The following TMEM94 variants were observed in gnomAD, a reference collection of about 807,000 sequenced individuals.
The protein encoded by TMEM94 is ER Mg2+ ATPase.
A neutral mutation model predicts 158.6 loss-of-function variants in TMEM94; 81 were observed. The ratio of observed to expected loss-of-function variants is 0.51; its 90% confidence interval spans 0.43 to 0.61. The LOEUF is 0.61. TMEM94 is among the 20% of genes least tolerant of loss of function. The pLI is 0.00. For missense variants in TMEM94, 1,435 were observed against 1,762.0 expected (o/e 0.81, Z 3.32); for synonymous variants, 751 against 730.7 (o/e 1.03, Z -0.45).
Position 75,485,517 on chromosome 17 carries a change from C to T in TMEM94, c.114C>T (p.Leu38=). The T allele has an allele frequency of 6.2e-7, 1 of 1,614,176 alleles. No homozygotes were observed. The highest frequency in any genetic ancestry group is 1.1e-5 in the South Asian group (1 of 91,078). Residue 38 remains leucine (L), a synonymous_variant, in exon 3 of 32, where the codon CTC becomes CTT. Transcript: ENST00000314256. The surrounding 1 kb of genome is among the most constrained non-coding windows in gnomAD (Gnocchi z 5.5). ...EQLEAVLEGH[L]RERKKCLTWK... is the part of the protein sequence containing the mutation. The stretch of plus-strand genomic sequence containing the variant: ...TGGAGGCAGTGCTGGAAGGACATCT[C>T]AGGGAGCGGAAGAAGTGTCTGACGT...
intron 2 of TMEM94, among the ~76,000 whole-genome samples, chr17:75,484,775 G>A (rs1427544681): frequency 6.6e-6 from 1 of 152,006 alleles, no homozygotes; most frequent in Non-Finnish European, 1.5e-5. Flanking sequence ...AGTGGCTCAC[G>A]CCAGTCATCC....
At chr17:75,480,582 G>A (rs1037041650) in intron 2 of TMEM94, among the ~76,000 whole-genome samples, 4 of 152,226 alleles carry the variant, frequency 2.6e-5, no homozygotes, top group Non-Finnish European at 2.9e-5. Context: ...TGTCAGGACA[G>A]CTGCCATGTG....
chr17:75,467,756 TCTC>T (rs1363014842), intron 1 of TMEM94, among the ~76,000 whole-genome samples: 1 of 151,538 alleles, frequency 6.6e-6, no homozygotes, highest in African/African-American at 2.4e-5. Flanking sequence ...ATGGTCTCGA[TCTC>T]CTGACCTCGT....
intron 2 of TMEM94, among the ~76,000 whole-genome samples, chr17:75,482,073 T>G (rs2051202400): frequency 6.6e-6 from 1 of 151,970 alleles, no homozygotes; most frequent in Non-Finnish European, 1.5e-5. Context: ...CCAGGCACAG[T>G]GGCTCAGGCC....
chr17:75,468,200 G>A (rs962112649), intron 1 of TMEM94, among the ~76,000 whole-genome samples: 2 of 152,154 alleles, frequency 1.3e-5, no homozygotes, highest in African/African-American at 4.8e-5. Flanking sequence ...TAAAGACCCT[G>A]CTACGGGTTT....
At chr17:75,472,073 G>T in intron 2 of TMEM94, 144 bp downstream of exon 2, 1 of 738,500 alleles carries the variant, frequency 1.4e-6, no homozygotes. Context: ...CTTGGGGGAT[G>T]CGACTGTGAC....
chr17:75,497,308 C>T lies in TMEM94; in HGVS notation c.3407+110C>T, dbSNP rs975258168. On this transcript the variant is annotated intron_variant, in intron 26 of 31. Coordinates refer to ENST00000314256, the MANE Select transcript of TMEM94 (RefSeq NM_014738.6). ...TCTGGAACTGCTCAGGTCTCACCTC[C>T]TCTGGTACAGGAGGCATGGAGGGAA... 10 of 798,810 alleles carry T rather than the reference C, an allele frequency of 1.3e-5. No homozygotes were observed. The Admixed American group carries it at 1.8e-4, about 14-fold the overall frequency. 49.5% of individuals were successfully genotyped at this position (798,810 alleles called of 1,614,324 possible). A position where few individuals can be genotyped will look rare whatever the true frequency, so the allele number is the denominator to read the frequency against.
At position 75,486,324 on chromosome 17, in the gene TMEM94, T is replaced by C. The variant is rs1187421274; in HGVS notation, c.307T>C (p.Phe103Leu). The C allele has an allele frequency of 3.1e-6, 5 of 1,614,164 alleles. No individual in the cohort carries two copies. In the South Asian group the frequency reaches 5.5e-5, roughly 18 times the overall value. ...GGGGCTGGTGAATGCCTCGGCCTTGTTCCTGTTACTGCTTCTCAACCTTGT... is the reference window on the plus strand; with the variant it reads ...GGGGCTGGTGAATGCCTCGGCCTTGCTCCTGTTACTGCTTCTCAACCTTGT... ...GVGLVNASAL[F>L]LLLLLNLVLI... is the part of the protein sequence containing the mutation. Residue 103 changes from phenylalanine to leucine, a missense_variant, in exon 5 of 32, where the codon TTC (phenylalanine) becomes CTC (leucine). This residue lies in a region of TMEM94 where 1,051 missense variants were observed against 1,254.4 expected (regional missense o/e 0.84). Coordinates refer to ENST00000314256, the MANE Select transcript of TMEM94 (RefSeq NM_014738.6).
Position 75,496,490 on chromosome 17 carries a change from AAAG to A in TMEM94, c.3243+20_3243+22del, listed in dbSNP as rs766210297. 7 of 1,607,708 alleles carry A rather than the reference AAAG, an allele frequency of 4.4e-6. No individual in the cohort carries two copies. The African/African-American group carries it at 9.4e-5, about 21-fold the overall frequency. The stretch of plus-strand genomic sequence containing the variant: ...CGAACAGGTGGGTGCTTCGGCAGGC[AAAG>A]GAGGAGAGACGCAGGACAGGACCCG... On this transcript the variant is annotated intron_variant, in intron 24 of 31. Coordinates refer to ENST00000314256, the MANE Select transcript of TMEM94 (RefSeq NM_014738.6).
At position 75,497,862 on chromosome 17, in the gene TMEM94, G is replaced by T; in HGVS notation, c.3489G>T (p.Lys1163Asn). 1 of 1,613,360 alleles carries T rather than the reference G, an allele frequency of 6.2e-7. No homozygotes were observed. Among genetic ancestry groups the T allele is most frequent in the South Asian group, 1.1e-5 (1 of 91,062 alleles). Residue 1163 changes from lysine to asparagine, a missense_variant and splice_region_variant, in exon 27 of 32, where the codon AAG (lysine) becomes AAT (asparagine). Lys to Asn is a moderately conservative substitution (Grantham distance 94, BLOSUM62 0). Transcript: ENST00000314256. ...TGKNLQSIPK[K>N]TQHYFLLCFL... ...AAAACCTCCAGTCCATTCCCAAGAAGGTAAGCAAAACAGACCCTGTGAGCC... is the reference window on the plus strand; with the variant it reads ...AAAACCTCCAGTCCATTCCCAAGAATGTAAGCAAAACAGACCCTGTGAGCC...
intron 1 of TMEM94, among the ~76,000 whole-genome samples, chr17:75,469,829 T>C (rs543110809): frequency 3.3e-5 from 5 of 151,698 alleles, no homozygotes; most frequent in Non-Finnish European, 7.4e-5. Flanking sequence ...AATAAATCCT[T>C]TGGGAGGCCG....
intron 2 of TMEM94, among the ~76,000 whole-genome samples, chr17:75,477,033 C>T (rs1186046115): frequency 1.3e-5 from 2 of 152,150 alleles, no homozygotes; most frequent in Admixed American, 1.3e-4. Context: ...CCTGGGTTTC[C>T]ATGCACAGGT....
intron 2 of TMEM94, among the ~76,000 whole-genome samples, chr17:75,475,981 G>A (rs903707238): frequency 2.0e-5 from 3 of 152,090 alleles, no homozygotes; most frequent in Non-Finnish European, 2.9e-5. Flanking sequence ...AGTCCATCCC[G>A]TCCCCCTCCA....
At chr17:75,476,401 C>G in intron 2 of TMEM94, 58 of 766,274 alleles carry the variant, frequency 7.6e-5, no homozygotes, top group Non-Finnish European at 9.9e-5. Context: ...CCTGTTTCCT[C>G]CCTCCTTCTC....
Position 75,495,533 on chromosome 17 carries a change from G to T in TMEM94, c.2845-11G>T. On this transcript the variant is annotated splice_polypyrimidine_tract_variant and intron_variant, in intron 21 of 31. Coordinates refer to ENST00000314256, the MANE Select transcript of TMEM94 (RefSeq NM_014738.6). This position sits in a 1 kb window ranked among gnomAD's most constrained non-coding sequence, Gnocchi z 5.6. ...CCATCCCGAAGCCGCTGGCATCTCT[G>T]CTTTCTCCAGGCCAAGCTGCCCCGG... 1.2e-6 allele frequency: 2 copies of T among 1,613,236 alleles called. No individual in the cohort carries two copies.
chr17:75,474,226 C>T (rs750701155), intron 2 of TMEM94, among the ~76,000 whole-genome samples: 14 of 151,382 alleles, frequency 9.2e-5, no homozygotes, highest in Non-Finnish European at 1.5e-4. Flanking sequence ...TGATCTCAGC[C>T]AGGTGCAGTG....
In TMEM94 at chr17:75,498,071, C is replaced by T. The variant is rs765920405; in HGVS notation, c.3490-104C>T. ...GCTGGGGCTTGAGCTCCCTATCCCC[C>T]CAGGCCTGACCATTTACTAAGAGCC... On this transcript the variant is annotated intron_variant, in intron 27 of 31. Coordinates refer to ENST00000314256, the MANE Select transcript of TMEM94 (RefSeq NM_014738.6). This position sits in a 1 kb window ranked among gnomAD's most constrained non-coding sequence, Gnocchi z 6.7. 15 of 1,483,464 alleles carry T rather than the reference C, an allele frequency of 1.0e-5. No individual in the cohort carries two copies. The highest frequency in any genetic ancestry group is 1.4e-5 in the African/African-American group (1 of 72,412). The allele number at this position is 1,483,464 out of a possible 1,614,324, so 91.9% of individuals were successfully genotyped here.
At position 75,487,959 on chromosome 17, in the gene TMEM94, A is replaced by G; in HGVS notation, c.437A>G (p.Gln146Arg). The G allele has an allele frequency of 1.2e-6, 2 of 1,614,010 alleles. No individual in the cohort carries two copies. Among genetic ancestry groups the G allele is most frequent in the Non-Finnish European group, 1.7e-6 (2 of 1,179,876 alleles). Residue 146 changes from glutamine (Q) to arginine (R), a missense_variant, in exon 6 of 32, where the codon CAG becomes CGG. Transcript: ENST00000314256. This position sits in a 1 kb window ranked among gnomAD's most constrained non-coding sequence, Gnocchi z 4.6. Reference protein sequence around the residue: ...QDALRDGREIQWPSAMYPDLH... With the variant: ...QDALRDGREIRWPSAMYPDLH... ...GCCCTCAGGGATGGCAGGGAGATCCAGTGGCCCAGTGCCATGTATCCAGAC... is the reference window on the plus strand; with the variant it reads ...GCCCTCAGGGATGGCAGGGAGATCCGGTGGCCCAGTGCCATGTATCCAGAC...
intron 1 of TMEM94, among the ~76,000 whole-genome samples, chr17:75,470,322 AAAT>A (rs1178219112): frequency 6.6e-6 from 1 of 151,892 alleles, no homozygotes; most frequent in Non-Finnish European, 1.5e-5. Flanking sequence ...AAATTAAAAA[AAAT>A]AATAATAGGC....
Sources: allele counts gnomAD v4.1 joint callset (sites outside exome capture counted in the v4.1 genomes callset), GRCh38; gene constraint gnomAD v4.1.1; regional missense constraint gnomAD v4.1.1; non-coding constraint Gnocchi (gnomAD v3.1); transcripts MANE v1.5; gene names NCBI Gene and HGNC (gene_info 2026-07-23, HGNC 2026-07-21).